The following PBX1 variants were observed in gnomAD, a reference collection of about 807,000 sequenced individuals.
The protein encoded by PBX1 is pre-B-cell leukemia transcription factor 1.
A neutral mutation model predicts 53.4 loss-of-function variants in PBX1; 6 were observed. The observed-to-expected ratio is 0.11, with a 90% CI of 0.06 to 0.22. The LOEUF (loss-of-function observed/expected upper bound fraction) is 0.22. PBX1 is among the 10% of genes least tolerant of loss of function. The pLI is 1.00. For synonymous variants in PBX1, 204 were observed against 212.3 expected, an observed-to-expected ratio of 0.96 and a Z score of 0.34; for missense variants, 251 against 551.4, an observed-to-expected ratio of 0.46 and a Z score of 5.46.
chr1:164,785,322 A>ACT (rs1668122637), intron 2 of PBX1, among the ~76,000 whole-genome samples: 1 of 152,226 alleles, frequency 6.6e-6, no homozygotes, highest in South Asian at 2.1e-4. Context: ...AGAGATTGAG[A>ACT]ATAAGGAGTG....
At chr1:164,802,020 A>G (rs1669105176) in intron 4 of PBX1, among the ~76,000 whole-genome samples, 1 of 152,218 alleles carries the variant, frequency 6.6e-6, no homozygotes, top group Admixed American at 6.5e-5. Context: ...ATGCTCCTCT[A>G]AACCATGCAT....
chr1:164,627,535 T>G (rs894383069), intron 2 of PBX1, among the ~76,000 whole-genome samples: 7 of 152,246 alleles, frequency 4.6e-5, no homozygotes, highest in African/African-American at 1.7e-4. Flanking sequence ...CGCAGCATCG[T>G]GAACAGGAAA....
chr1:164,797,841 T>G (rs920983352), intron 3 of PBX1, among the ~76,000 whole-genome samples: 8 of 152,170 alleles, frequency 5.3e-5, no homozygotes, highest in Admixed American at 4.6e-4. Flanking sequence ...TTTCACAAAT[T>G]AGAAAAACGA....
intron 2 of PBX1, among the ~76,000 whole-genome samples, chr1:164,566,352 A>G (rs1046466032): frequency 4.6e-5 from 7 of 152,282 alleles, no homozygotes; most frequent in African/African-American, 1.7e-4. Flanking sequence ...AATAAATGCT[A>G]AGAAGAAGTG....
intron 3 of PBX1, among the ~76,000 whole-genome samples, chr1:164,799,058 G>A (rs1444421774): frequency 6.6e-6 from 1 of 152,028 alleles, no homozygotes; most frequent in Non-Finnish European, 1.5e-5. Context: ...AACTCTCTTT[G>A]GCTGTTAACT....
chr1:164,751,797 A>G (rs570078710), intron 2 of PBX1, among the ~76,000 whole-genome samples: 2 of 151,868 alleles, frequency 1.3e-5, no homozygotes, highest in South Asian at 2.1e-4. Flanking sequence ...GGCCAGGCTG[A>G]TCTCAGACTC....
At chr1:164,692,318 A>G (rs1161652790) in intron 2 of PBX1, among the ~76,000 whole-genome samples, 1 of 152,154 alleles carries the variant, frequency 6.6e-6, no homozygotes, top group African/African-American at 2.4e-5. Context: ...CACTTAAATG[A>G]TTTTAGTGTT....
chr1:164,885,422 G>A (rs1343079416), intron 2 of PBX1, among the ~76,000 whole-genome samples: 1 of 152,200 alleles, frequency 6.6e-6, no homozygotes, highest in Non-Finnish European at 1.5e-5. Context: ...GGAAATGACA[G>A]CACACCAGTC....
intron 2 of PBX1, chr1:164,700,356 A>G (rs1663046200): frequency 1.5e-6 from 1 of 652,334 alleles, no homozygotes; most frequent in Non-Finnish European, 1.9e-6. Flanking sequence ...TTGCTGGGTT[A>G]TGGAGAAGCC....
chr1:164,828,271 C>CGTGTGT (rs576407322), intron 8 of PBX1, among the ~76,000 whole-genome samples: 24 of 149,774 alleles, frequency 1.6e-4, no homozygotes, highest in African/African-American at 5.4e-4. Context: ...TTTGTGTATG[C>CGTGTGT]GTGTGTGTGT....
chr1:164,865,006 A>T (rs1449575442), intron 2 of PBX1, among the ~76,000 whole-genome samples: 4 of 152,174 alleles, frequency 2.6e-5, no homozygotes, highest in African/African-American at 9.7e-5. Context: ...TTGCCATCTG[A>T]TGGCAGGGTC....
intron 8 of PBX1, among the ~76,000 whole-genome samples, chr1:164,823,836 G>C (rs1178056616): frequency 6.6e-6 from 1 of 152,084 alleles, no homozygotes; most frequent in Non-Finnish European, 1.5e-5. Context: ...TTAATATGCA[G>C]GGTAAATGAA....
chr1:164,830,092 T>A (rs1670677732), intron 8 of PBX1: 2 of 152,138 alleles, frequency 1.3e-5, no homozygotes, highest in South Asian at 4.2e-4. Flanking sequence ...GCTCTGCCGG[T>A]TATTTGGTAA....
chr1:164,619,438 T>A (rs189746098), intron 2 of PBX1, among the ~76,000 whole-genome samples: 17 of 152,226 alleles, frequency 1.1e-4, no homozygotes, highest in Non-Finnish European at 1.3e-4. Flanking sequence ...TACTGGGTTA[T>A]TCAGTGAAGG....
intron 2 of PBX1, among the ~76,000 whole-genome samples, chr1:164,621,831 TAGA>T (rs1657700184): frequency 2.0e-5 from 3 of 151,776 alleles, no homozygotes; most frequent in Non-Finnish European, 2.9e-5. Flanking sequence ...GGCATTTGGG[TAGA>T]TTTTTTTTTT....
At chr1:164,624,952 C>T (rs1657940250) in intron 2 of PBX1, among the ~76,000 whole-genome samples, 2 of 152,228 alleles carry the variant, frequency 1.3e-5, no homozygotes, top group Admixed American at 1.3e-4. Context: ...TAAAGATTTT[C>T]TTAAAGTGTT....
Position 164,870,212 on chromosome 1 carries a change from T to TC in PBX1, n.258-28975dup, listed in dbSNP as rs1558053541. On this transcript the variant is annotated intron_variant and non_coding_transcript_variant, in intron 2 of 2. Coordinates refer to the PBX1 transcript ENST00000558796. ...ATTGACTTTCTTTCTTTCTTTCTTT[T>TC]CTTTCTTTCCTTCCTTCCTTCCTTC... 7.2e-5 allele frequency among the ~76,000 whole-genome samples: 5 copies of TC among 69,170 alleles called. 1 individual carries two copies. The East Asian group carries it at 2.7e-3, about 37-fold the overall frequency. 45.4% of individuals were successfully genotyped at this position (69,170 alleles called of 152,430 possible). A position where few individuals can be genotyped will look rare whatever the true frequency, so the allele number is the denominator to read the frequency against.
chr1:164,838,920 G>A (rs1671167936), intron 8 of PBX1, among the ~76,000 whole-genome samples: 1 of 152,284 alleles, frequency 6.6e-6, no homozygotes, highest in Admixed American at 6.5e-5. Context: ...TCCTGTAATG[G>A]CTTGTTGTTG....
chr1:164,725,853 G>T (rs1489330), intron 2 of PBX1, among the ~76,000 whole-genome samples: 33,781 of 152,056 alleles, frequency 0.22, 4,130 homozygotes, highest in South Asian at 0.34. Flanking sequence ...TAAGTGACTT[G>T]CCCAAGACAA....
Sources: gnomAD v4.1 joint callset for allele counts (sites outside exome capture counted in the v4.1 genomes callset) on GRCh38, gnomAD v4.1.1 for gene constraint, MANE v1.5 for transcripts, NCBI Gene and HGNC (gene_info 2026-07-23, HGNC 2026-07-21) for gene names.